Variants in MICAL3 observed in about 807,000 individuals in gnomAD.
MICAL3 encodes microtubule associated monooxygenase, calponin and LIM domain containing 3.
Under a neutral mutation model 207.4 loss-of-function variants are expected in MICAL3, and 62 were observed. The ratio of observed to expected loss-of-function variants is 0.30; its 90% CI spans 0.24 to 0.37. The LOEUF (loss-of-function observed/expected upper bound fraction) is 0.37. Among genes scored for constraint, MICAL3 ranks in the 10% least tolerant of loss-of-function variants. The pLI is 1.00. For synonymous variants in MICAL3, 1,077 were observed against 1,069.3 expected (o/e 1.01, Z -0.14); for missense variants, 2,368 against 2,635.6 (o/e 0.90, Z 2.22).
intron 1 of MICAL3, among the ~76,000 whole-genome samples, chr22:17,907,376 G>A (rs890770711): frequency 1.3e-5 from 2 of 152,182 alleles, no homozygotes; most frequent in African/African-American, 4.8e-5. Flanking sequence ...ATAACTCCCA[G>A]GTTTCCAGCT....
At chr22:17,907,000 G>A (rs1931772911) in intron 1 of MICAL3, 114 bp from the exon 2 acceptor site, 3 of 571,286 alleles carry the variant, frequency 5.3e-6, no homozygotes, top group African/African-American at 1.9e-5. Flanking sequence ...CCATCCATAA[G>A]TGTGGACTGC....
chr22:17,824,898 T>G (rs1026973238), intron 22 of MICAL3, among the ~76,000 whole-genome samples: 2 of 152,238 alleles, frequency 1.3e-5, no homozygotes, highest in Non-Finnish European at 2.9e-5. Context: ...ATGGCTGCAC[T>G]ACACCGATTC....
intron 27 of MICAL3, among the ~76,000 whole-genome samples, chr22:17,812,087 T>C (rs2062054804): frequency 6.6e-6 from 1 of 152,210 alleles, no homozygotes; most frequent in African/African-American, 2.4e-5. Flanking sequence ...AAGACAAACA[T>C]GACTTGGGGT....
chr22:17,909,770 G>A (rs1931991658), intron 1 of MICAL3, among the ~76,000 whole-genome samples: 1 of 152,234 alleles, frequency 6.6e-6, no homozygotes, highest in Non-Finnish European at 1.5e-5. Flanking sequence ...TGGCTTGTAG[G>A]GCAGGAAAGA....
chr22:17,843,143 A>AAAAAC (rs1924235480), intron 19 of MICAL3, among the ~76,000 whole-genome samples: 1 of 150,432 alleles, frequency 6.6e-6, no homozygotes, highest in Non-Finnish European at 1.5e-5. Context: ...AAAAAAAAAA[A>AAAAAC]TCCCATCACT....
intron 22 of MICAL3, among the ~76,000 whole-genome samples, chr22:17,824,690 C>T (rs1035464081): frequency 6.6e-6 from 1 of 152,174 alleles, no homozygotes; most frequent in Non-Finnish European, 1.5e-5. Context: ...CCCTGAGATA[C>T]CAGAGTGGCC....
intron 1 of MICAL3, among the ~76,000 whole-genome samples, chr22:17,953,083 A>G (rs1005490626): frequency 6.6e-6 from 1 of 152,146 alleles, no homozygotes; most frequent in Admixed American, 6.5e-5. Context: ...TAAGGTGTGC[A>G]CAGCCACTCC....
chr22:17,899,927 G>A (rs922269104), intron 6 of MICAL3, among the ~76,000 whole-genome samples: 2 of 152,202 alleles, frequency 1.3e-5, no homozygotes, highest in African/African-American at 2.4e-5. Flanking sequence ...AGATTCTTAA[G>A]AACAGGATAG....
chr22:17,884,272 TA>T, intron 16 of MICAL3: 1 of 1,588,056 alleles, frequency 6.3e-7, no homozygotes, highest in South Asian at 1.1e-5. Context: ...GCAGTTCCTT[TA>T]CCTGTTTCCA....
chr22:17,812,469 C>T (rs1417702136), intron 27 of MICAL3: 8 of 978,346 alleles, frequency 8.2e-6, no homozygotes, highest in Non-Finnish European at 8.5e-6. Context: ...CACAGACATG[C>T]ATGCAACGGT....
chr22:17,864,904 G>A lies in MICAL3; in HGVS notation c.2600C>T (p.Thr867Ile), dbSNP rs750859976. The change falls in exon 19 of 32, where the codon ACC becomes ATC. Residue 867 changes from threonine to isoleucine, a missense_variant. Physicochemically the swap from Thr to Ile is moderately conservative, Grantham distance 89. This residue lies in a region of MICAL3 where 1,770 missense variants were observed against 1,863.2 expected (regional missense o/e 0.95). Transcript: ENST00000441493. ...ANAVASSTER[T>I]PGSGVNGLEE... ...AAACAAGGAAGTGAGGCTACCTGGG[G>A]TTCTCTCAGTGGAGCTGGCCACGGC... 6.2e-7 allele frequency: 1 copy of A among 1,613,850 alleles called. No individual in the cohort carries two copies. Among genetic ancestry groups the A allele is most frequent in the Non-Finnish European group, 8.5e-7 (1 of 1,179,874 alleles).
chr22:17,804,488 G>T (rs2061970282), intron 29 of MICAL3, among the ~76,000 whole-genome samples: 2 of 152,342 alleles, frequency 1.3e-5, no homozygotes, highest in Admixed American at 6.5e-5. Flanking sequence ...CTTAACAACA[G>T]GAAACGAGCA....
At position 17,863,427 on chromosome 22, in the gene MICAL3, T is replaced by G. The variant is rs1039265641; in HGVS notation, c.2605+1472A>C. 3 of 985,318 alleles carry G rather than the reference T, an allele frequency of 3.0e-6. No individual in the cohort carries two copies. The Admixed American group carries it at 1.8e-4, about 61-fold the overall frequency. 61.0% of individuals were successfully genotyped at this position (985,318 alleles called of 1,614,324 possible). On this transcript the variant is annotated intron_variant, in intron 19 of 31. Transcript: ENST00000441493. ...AAAGTCTCTGTCTAGACCCCTTTGG[T>G]TATTTTTCTCTACCAGTGATTCTGC...
chr22:17,866,061 C>G (rs1393790221), intron 17 of MICAL3, 49 bp from the exon 18 acceptor site: 1 of 1,354,234 alleles, frequency 7.4e-7, no homozygotes, highest in Non-Finnish European at 1.1e-6. Flanking sequence ...AGGCACGGAT[C>G]CTGAACGTGC....
chr22:17,817,090 CCA>C (rs1921074670), intron 26 of MICAL3, among the ~76,000 whole-genome samples: 1 of 152,200 alleles, frequency 6.6e-6, no homozygotes, highest in South Asian at 2.1e-4. Context: ...GCACAAACCT[CCA>C]CAGTCTTCCT....
chr22:17,832,386 C>T (rs1922895154), intron 20 of MICAL3, among the ~76,000 whole-genome samples: 1 of 152,236 alleles, frequency 6.6e-6, no homozygotes, highest in Non-Finnish European at 1.5e-5. Flanking sequence ...GAGGGGACCA[C>T]CGAAGGCTGC....
chr22:17,906,368 ACTCAATC>A (rs1426414217), intron 2 of MICAL3, among the ~76,000 whole-genome samples, 174 bp downstream of exon 2: 1 of 152,096 alleles, frequency 6.6e-6, no homozygotes, highest in Admixed American at 6.5e-5. Context: ...CCTACCTCTA[ACTCAATC>A]CTCCTCTTTG....
chr22:17,826,950 T>A (rs1247159504), intron 22 of MICAL3, among the ~76,000 whole-genome samples: 1 of 152,202 alleles, frequency 6.6e-6, no homozygotes, highest in Non-Finnish European at 1.5e-5. Flanking sequence ...GTGTGGCCCG[T>A]GACCGGCGCT....
intron 1 of MICAL3, among the ~76,000 whole-genome samples, chr22:17,945,316 G>A (rs117506364): frequency 0.015 from 2,314 of 152,214 alleles, 33 homozygotes; most frequent in Non-Finnish European, 0.02. Context: ...GTCCACTAAT[G>A]CACATGAAAA....
Sources: allele counts gnomAD v4.1 joint callset (sites outside exome capture counted in the v4.1 genomes callset), GRCh38; gene constraint gnomAD v4.1.1; regional missense constraint gnomAD v4.1.1; transcripts MANE v1.5; gene names NCBI Gene and HGNC (gene_info 2026-07-23, HGNC 2026-07-21).